Variants in RAP1GDS1 observed in about 807,000 individuals in gnomAD.
RAP1GDS1 encodes Rap1 GTPase-GDP dissociation stimulator 1.
A neutral mutation model predicts 71.1 loss-of-function variants in RAP1GDS1; 35 were observed. That is an observed-to-expected ratio of 0.49 (90% CI 0.38 to 0.65). The LOEUF is 0.65. RAP1GDS1 is among the 30% of genes least tolerant of loss of function. The probability of loss-of-function intolerance (pLI) is 0.00; values close to 1 mark genes in which losing one functional copy is unlikely to be tolerated. For synonymous variants in RAP1GDS1, 229 were observed against 243.1 expected (o/e 0.94, Z 0.54); for missense variants, 663 against 706.1 (o/e 0.94, Z 0.69).
chr4:98,334,684 A>G (rs926319315), intron 2 of RAP1GDS1, among the ~76,000 whole-genome samples: 7 of 152,106 alleles, frequency 4.6e-5, no homozygotes, highest in Admixed American at 3.3e-4. Context: ...CTTTTAGACT[A>G]TGAATCCTTC....
chr4:98,284,414 A>G (rs1725672882), intron 1 of RAP1GDS1, among the ~76,000 whole-genome samples: 1 of 152,166 alleles, frequency 6.6e-6, no homozygotes, highest in Non-Finnish European at 1.5e-5. Context: ...TAAAAATATA[A>G]TCGTTTTTAG....
chr4:98,416,604 C>A (rs1333599063), intron 7 of RAP1GDS1, 141 bp from the exon 8 acceptor site: 8 of 626,484 alleles, frequency 1.3e-5, no homozygotes, highest in Admixed American at 1.0e-4. Context: ...CCCATCTCGG[C>A]CTCCCAAAGT....
At chr4:98,409,119 C>G (rs185867460) in intron 7 of RAP1GDS1, among the ~76,000 whole-genome samples, 148 of 152,148 alleles carry the variant, frequency 9.7e-4, no homozygotes, top group Non-Finnish European at 1.5e-3. Context: ...TCAAAAGAAT[C>G]TATAGATCAG....
chr4:98,319,768 G>C (rs1022452210), intron 2 of RAP1GDS1, among the ~76,000 whole-genome samples: 6 of 132,588 alleles, frequency 4.5e-5, no homozygotes, highest in Non-Finnish European at 7.8e-5. Flanking sequence ...GCAACAGAGT[G>C]AGAATGTCTC....
intron 8 of RAP1GDS1, among the ~76,000 whole-genome samples, chr4:98,417,122 A>G (rs191268751): frequency 6.6e-6 from 1 of 152,340 alleles, no homozygotes; most frequent in East Asian, 1.9e-4. Context: ...TAGAAGAGAT[A>G]GCTTTGGCAC....
At chr4:98,305,107 C>T (rs746185578) in intron 2 of RAP1GDS1, among the ~76,000 whole-genome samples, 122 of 152,090 alleles carry the variant, frequency 8.0e-4, no homozygotes, top group Non-Finnish European at 1.5e-3. Context: ...AGCATGACGC[C>T]TCTAGCTTTG....
chr4:98,324,115 A>G (rs1400423135), intron 2 of RAP1GDS1, among the ~76,000 whole-genome samples: 1 of 150,184 alleles, frequency 6.7e-6, no homozygotes, highest in African/African-American at 2.5e-5. Flanking sequence ...AAGCATTCTT[A>G]TACACCAACA....
rs541929416 is a variant in RAP1GDS1, at chr4:98,282,975, G to T, written c.5-10433G>T. On this transcript the variant is annotated intron_variant, in intron 1 of 14. Transcript: ENST00000408927. ...TGAGTTCTAATTTGATTGCACTGTG[G>T]TCTGAGAGACAGTTTGTTATGATTT... is the stretch of plus-strand genomic sequence containing the variant. Among the ~76,000 whole-genome samples the T allele has an allele frequency of 4.6e-5, 7 of 152,164 alleles. No homozygotes were observed. In the South Asian group the frequency reaches 1.5e-3, roughly 32 times the overall value.
intron 1 of RAP1GDS1, among the ~76,000 whole-genome samples, chr4:98,283,021 TA>T (rs907247163): frequency 9.9e-5 from 15 of 151,430 alleles, no homozygotes; most frequent in East Asian, 1.9e-4. Context: ...AATTGAACGT[TA>T]AAAAAAAATT....
At chr4:98,390,080 A>G (rs1743376249) in intron 5 of RAP1GDS1, among the ~76,000 whole-genome samples, 1 of 152,178 alleles carries the variant, frequency 6.6e-6, no homozygotes, top group African/African-American at 2.4e-5. Context: ...TACATATATA[A>G]ATAAAAATAC....
At chr4:98,413,710 T>C (rs1376136805) in intron 7 of RAP1GDS1, among the ~76,000 whole-genome samples, 1 of 152,190 alleles carries the variant, frequency 6.6e-6, no homozygotes, top group Admixed American at 6.5e-5. Context: ...AGCAGCATGA[T>C]TTATAGTCAT....
intron 12 of RAP1GDS1, among the ~76,000 whole-genome samples, chr4:98,423,535 G>T (rs1185717514): frequency 6.6e-6 from 1 of 151,870 alleles, no homozygotes; most frequent in Admixed American, 6.6e-5. Context: ...TTTATTTTTT[G>T]TTTTTTTGTT....
chr4:98,387,021 AAG>A (rs1308589334), intron 5 of RAP1GDS1, among the ~76,000 whole-genome samples: 1 of 152,164 alleles, frequency 6.6e-6, no homozygotes, highest in African/African-American at 2.4e-5. Context: ...ACTTTTCATC[AAG>A]AGTTTTATTT....
At chr4:98,336,063 G>A (rs543621795) in intron 2 of RAP1GDS1, among the ~76,000 whole-genome samples, 1 of 152,116 alleles carries the variant, frequency 6.6e-6, no homozygotes, top group South Asian at 2.1e-4. Context: ...TTTTCCCCCA[G>A]GGTATCTGAC....
chr4:98,439,539 T>C (rs541948319), intron 14 of RAP1GDS1, among the ~76,000 whole-genome samples: 1 of 152,326 alleles, frequency 6.6e-6, no homozygotes, highest in Non-Finnish European at 1.5e-5. Flanking sequence ...AGACCTTTGT[T>C]GACACTAATG....
chr4:98,304,844 T>G (rs937802253), intron 2 of RAP1GDS1, among the ~76,000 whole-genome samples: 4 of 152,196 alleles, frequency 2.6e-5, no homozygotes, highest in Non-Finnish European at 5.9e-5. Context: ...TTTTTAAGTC[T>G]TTATTCCATC....
In RAP1GDS1 at chr4:98,365,336, C is replaced by T. The variant is rs79385940; in HGVS notation, c.361+12735C>T. Among the ~76,000 whole-genome samples, 582 of 152,002 alleles carry T rather than the reference C, an allele frequency of 3.8e-3. 6 individuals are homozygous for T. Among genetic ancestry groups the T allele is most frequent in the African/African-American group, 0.013 (557 of 41,470 alleles). On this transcript the variant is annotated intron_variant, in intron 4 of 14. Coordinates refer to ENST00000408927, the MANE Select transcript of RAP1GDS1 (RefSeq NM_001100427.2). ...GTATAAAGAAAAATTAAAATTGAGCCAGGCATCATGGCTCACACCTGTAAT... is the reference window on the plus strand; with the variant it reads ...GTATAAAGAAAAATTAAAATTGAGCTAGGCATCATGGCTCACACCTGTAAT...
At chr4:98,433,787 T>G (rs1307604508) in intron 12 of RAP1GDS1, 149 bp from the exon 13 acceptor site, 1 of 678,922 alleles carries the variant, frequency 1.5e-6, no homozygotes, top group African/African-American at 1.8e-5. Context: ...TTTTTCCTTT[T>G]CTTCTGTGGA....
chr4:98,398,227 GAA>G (rs33929395), intron 6 of RAP1GDS1, among the ~76,000 whole-genome samples: 16 of 142,908 alleles, frequency 1.1e-4, no homozygotes, highest in Admixed American at 1.1e-3. Context: ...ACGAGTAAAG[GAA>G]AAAAAAAAGG....
Sources: allele counts gnomAD v4.1 joint callset (sites outside exome capture counted in the v4.1 genomes callset), GRCh38; gene constraint gnomAD v4.1.1; transcripts MANE v1.5; gene names NCBI Gene and HGNC (gene_info 2026-07-23, HGNC 2026-07-21).